Variants in TRABD2B observed in about 807,000 individuals in gnomAD.
The protein encoded by TRABD2B is TraB domain containing 2B.
Under a neutral mutation model 40.1 loss-of-function variants are expected in TRABD2B, and 14 were observed. The ratio of observed to expected loss-of-function variants is 0.35; its 90% confidence interval spans 0.23 to 0.55. The LOEUF is 0.55. TRABD2B is among the 20% of genes least tolerant of loss of function. The pLI, the probability that TRABD2B is intolerant of heterozygous loss-of-function variation, is 0.90. For missense variants in TRABD2B, 541 were observed against 648.6 expected (o/e 0.83, Z 1.80); for synonymous variants, 263 against 277.0 (o/e 0.95, Z 0.50).
Position 47,765,566 on chromosome 1 carries a change from G to T in TRABD2B, c.*336C>A. On this transcript the variant is annotated 3_prime_UTR_variant, in exon 7 of 7. Transcript: ENST00000606738. ...GAGCCACAGTCCACAGGAGGTCACT[G>T]ATGTCCCGGGTTCCCCTCCCGGGCC... The T allele has an allele frequency of 2.9e-6, 1 of 342,182 alleles. No individual in the cohort carries two copies. The highest frequency in any genetic ancestry group is 8.0e-5 in the East Asian group (1 of 12,518). 21.2% of individuals were successfully genotyped at this position (342,182 alleles called of 1,614,324 possible). A position where few individuals can be genotyped will look rare whatever the true frequency, so the allele number is the denominator to read the frequency against.
intron 2 of TRABD2B, among the ~76,000 whole-genome samples, chr1:47,811,514 G>A (rs1361247715): frequency 2.6e-5 from 4 of 152,146 alleles, no homozygotes; most frequent in African/African-American, 4.8e-5. Context: ...AGATCCTAGT[G>A]TTCCTCCTCT....
chr1:47,983,831 C>T (rs1306850578), intron 2 of TRABD2B, among the ~76,000 whole-genome samples: 1 of 151,252 alleles, frequency 6.6e-6, no homozygotes, highest in African/African-American at 2.4e-5. Context: ...GGAGGGAACG[C>T]GGTCGTGCAT....
chr1:47,848,784 A>C (rs114660123), intron 2 of TRABD2B, among the ~76,000 whole-genome samples: 1 of 152,350 alleles, frequency 6.6e-6, no homozygotes, highest in Non-Finnish European at 1.5e-5. Flanking sequence ...ATAATGGGAA[A>C]TCATGGCCTG....
chr1:47,789,412 A>G (rs1393523314), intron 4 of TRABD2B, among the ~76,000 whole-genome samples: 1 of 152,212 alleles, frequency 6.6e-6, no homozygotes, highest in East Asian at 1.9e-4. Flanking sequence ...ATCACAAATC[A>G]ATAAGGGCCT....
At chr1:47,990,597 C>A (rs1645986842) in intron 2 of TRABD2B, among the ~76,000 whole-genome samples, 1 of 151,488 alleles carries the variant, frequency 6.6e-6, no homozygotes, top group South Asian at 2.1e-4. Context: ...ACAAAACCAA[C>A]ATCCAAGTAG....
intron 2 of TRABD2B, among the ~76,000 whole-genome samples, chr1:47,943,734 C>T (rs1280875740): frequency 6.7e-6 from 1 of 149,544 alleles, no homozygotes; most frequent in Non-Finnish European, 1.5e-5. Context: ...TCTTTTCCAA[C>T]TATACGTGAG....
intron 2 of TRABD2B, among the ~76,000 whole-genome samples, chr1:47,903,742 G>A (rs1417405261): frequency 6.6e-6 from 1 of 152,168 alleles, no homozygotes; most frequent in Non-Finnish European, 1.5e-5. Flanking sequence ...AAATCCCCCA[G>A]GGTGGCAATG....
intron 2 of TRABD2B, among the ~76,000 whole-genome samples, chr1:47,979,714 G>A (rs76706771): frequency 0.072 from 10,979 of 152,208 alleles, 452 homozygotes; most frequent in African/African-American, 0.11. Context: ...TGCAGGAAAT[G>A]TTATCCTCCA....
At chr1:47,977,095 CAG>C (rs1645767454) in intron 2 of TRABD2B, among the ~76,000 whole-genome samples, 1 of 145,984 alleles carries the variant, frequency 6.9e-6, no homozygotes, top group Admixed American at 7.1e-5. Context: ...TCCCGCGAGA[CAG>C]AGTCTTGCTC....
At chr1:47,920,076 G>T (rs1383939392) in intron 2 of TRABD2B, among the ~76,000 whole-genome samples, 1 of 152,206 alleles carries the variant, frequency 6.6e-6, no homozygotes, top group Non-Finnish European at 1.5e-5. Flanking sequence ...AGTTGTGTGT[G>T]AGACTTTGGT....
intron 2 of TRABD2B, among the ~76,000 whole-genome samples, chr1:47,961,372 T>C (rs1166743161): frequency 6.6e-6 from 1 of 152,152 alleles, no homozygotes; most frequent in African/African-American, 2.4e-5. Context: ...GGGATCTAAT[T>C]AAACTAAAGA....
At chr1:47,900,083 A>G (rs1474230066) in intron 2 of TRABD2B, among the ~76,000 whole-genome samples, 1 of 152,144 alleles carries the variant, frequency 6.6e-6, no homozygotes, top group Non-Finnish European at 1.5e-5. Flanking sequence ...CCCACCCCCA[A>G]GGACCTCCCT....
intron 2 of TRABD2B, among the ~76,000 whole-genome samples, chr1:47,840,285 C>G (rs986465340): frequency 6.6e-6 from 1 of 152,216 alleles, no homozygotes; most frequent in African/African-American, 2.4e-5. Flanking sequence ...TTGCCTTAAG[C>G]AGTCTTCGAC....
chr1:47,881,349 A>T (rs1644301438), intron 2 of TRABD2B, among the ~76,000 whole-genome samples: 1 of 152,204 alleles, frequency 6.6e-6, no homozygotes, highest in Admixed American at 6.5e-5. Context: ...TGAGTGTCCC[A>T]TGTTTATGTG....
intron 4 of TRABD2B, among the ~76,000 whole-genome samples, chr1:47,789,151 C>T (rs1242653997): frequency 6.6e-6 from 1 of 152,174 alleles, no homozygotes; most frequent in African/African-American, 2.4e-5. Context: ...GGCGTATGTG[C>T]CCTGTCCTGG....
chr1:47,803,640 C>T (rs1434149744), intron 2 of TRABD2B, among the ~76,000 whole-genome samples: 1 of 152,234 alleles, frequency 6.6e-6, no homozygotes, highest in African/African-American at 2.4e-5. Context: ...ATACACCATG[C>T]TTCCTTCCAC....
chr1:47,773,068 AG>A, intron 6 of TRABD2B, among the ~76,000 whole-genome samples: 1 of 152,380 alleles, frequency 6.6e-6, no homozygotes, highest in African/African-American at 2.4e-5. Context: ...AGACATGGTT[AG>A]GGGCCGGAGC....
chr1:47,924,774 AG>A (rs1473870061), intron 2 of TRABD2B, among the ~76,000 whole-genome samples: 2 of 152,246 alleles, frequency 1.3e-5, no homozygotes, highest in East Asian at 3.8e-4. Flanking sequence ...TCTCAGTGAA[AG>A]AAACTTCCTC....
At chr1:47,965,226 G>C (rs1645584135) in intron 2 of TRABD2B, among the ~76,000 whole-genome samples, 1 of 113,694 alleles carries the variant, frequency 8.8e-6, no homozygotes, top group Non-Finnish European at 1.8e-5. Context: ...GGGGGGGTGG[G>C]GGGGGTGGAT....
Sources: gnomAD v4.1 joint callset for allele counts (sites outside exome capture counted in the v4.1 genomes callset) on GRCh38, gnomAD v4.1.1 for gene constraint, MANE v1.5 for transcripts, NCBI Gene and HGNC (gene_info 2026-07-23, HGNC 2026-07-21) for gene names.